Variants in SORCS1 observed in about 807,000 individuals in gnomAD.
SORCS1 encodes the protein sortilin related VPS10 domain containing receptor 1.
A neutral mutation model predicts 146.1 loss-of-function variants in SORCS1; 60 were observed. That is an observed-to-expected ratio of 0.41 (90% confidence interval 0.33 to 0.51). SORCS1 has a LOEUF of 0.51. SORCS1 is among the 20% of genes least tolerant of loss of function. The pLI, the probability that SORCS1 is intolerant of heterozygous loss-of-function variation, is 0.21. For synonymous variants in SORCS1, 637 were observed against 584.0 expected (o/e 1.09, Z -1.31); for missense variants, 1,352 against 1,487.6 (o/e 0.91, Z 1.50).
Position 106,577,555 on chromosome 10 carries a change from C to T in SORCS1, c.3372G>A (p.Arg1124=). 4 of 1,610,450 alleles carry T rather than the reference C, an allele frequency of 2.5e-6. No individual in the cohort carries two copies. Among genetic ancestry groups the T allele is most frequent in the South Asian group, 1.1e-5 (1 of 90,998 alleles). ...LAVFVIYKFK[R]RVALPSPPSP... ...AGGGAGGGGAGGGTAAAGCTACTCTCCTAAGAGAAAACGTGTAACACTTAC... is the reference window on the plus strand; with the variant it reads ...AGGGAGGGGAGGGTAAAGCTACTCTTCTAAGAGAAAACGTGTAACACTTAC... The change falls in exon 26 of 26, where the codon AGG becomes AGA. Residue 1124 remains arginine, a splice_region_variant and synonymous_variant. Transcript: ENST00000263054.
At chr10:107,002,062 A>C (rs893981792) in intron 1 of SORCS1, among the ~76,000 whole-genome samples, 1 of 152,346 alleles carries the variant, frequency 6.6e-6, no homozygotes, top group South Asian at 2.1e-4. Flanking sequence ...TACACAGCAA[A>C]TGAACACAGC....
chr10:106,647,904 G>T (rs925317231), intron 18 of SORCS1, among the ~76,000 whole-genome samples: 8 of 152,168 alleles, frequency 5.3e-5, no homozygotes, highest in Non-Finnish European at 7.3e-5. Context: ...GTCTCGCTCT[G>T]TCAGCCAGGC....
intron 1 of SORCS1, among the ~76,000 whole-genome samples, chr10:107,085,748 T>C (rs1963707540): frequency 6.6e-6 from 1 of 152,198 alleles, no homozygotes; most frequent in Non-Finnish European, 1.5e-5. Context: ...CCTACTTGGC[T>C]GAACACTGTA....
intron 3 of SORCS1, among the ~76,000 whole-genome samples, chr10:106,798,343 G>T (rs1311773003): frequency 6.6e-6 from 1 of 152,134 alleles, no homozygotes; most frequent in Non-Finnish European, 1.5e-5. Context: ...CAACGTGCAG[G>T]TTTGTTACAT....
intron 4 of SORCS1, among the ~76,000 whole-genome samples, chr10:106,763,102 T>A (rs1859271096): frequency 6.6e-6 from 1 of 152,136 alleles, no homozygotes; most frequent in African/African-American, 2.4e-5. Flanking sequence ...TTTAGTAACA[T>A]ACAAAAATTA....
intron 24 of SORCS1, among the ~76,000 whole-genome samples, chr10:106,585,518 A>C (rs963266512): frequency 6.6e-6 from 1 of 152,134 alleles, no homozygotes; most frequent in Non-Finnish European, 1.5e-5. Flanking sequence ...AACTACCTAA[A>C]AGCATCTCAA....
intron 1 of SORCS1, among the ~76,000 whole-genome samples, chr10:107,074,254 G>A (rs997851344): frequency 1.3e-5 from 2 of 152,070 alleles, no homozygotes; most frequent in Admixed American, 6.6e-5. Flanking sequence ...TCCATAGTTT[G>A]GTCTTTTCCA....
chr10:106,834,748 T>C (rs922873604), intron 2 of SORCS1, among the ~76,000 whole-genome samples: 1 of 152,224 alleles, frequency 6.6e-6, no homozygotes, highest in Non-Finnish European at 1.5e-5. Flanking sequence ...ATGCGACATA[T>C]GCAGCCTTGA....
At chr10:106,689,395 T>C (rs1404094425) in intron 9 of SORCS1, among the ~76,000 whole-genome samples, 1 of 152,174 alleles carries the variant, frequency 6.6e-6, no homozygotes, top group Non-Finnish European at 1.5e-5. Flanking sequence ...GTACATTACC[T>C]CATTTAATAC....
intron 1 of SORCS1, among the ~76,000 whole-genome samples, chr10:106,957,968 T>G (rs531955094): frequency 2.0e-5 from 3 of 152,312 alleles, no homozygotes; most frequent in African/African-American, 7.2e-5. Flanking sequence ...GAAGCGCTCA[T>G]GAAAGAAAAG....
At chr10:107,038,242 A>AT in intron 1 of SORCS1, among the ~76,000 whole-genome samples, 1 of 152,356 alleles carries the variant, frequency 6.6e-6, no homozygotes, top group Non-Finnish European at 1.5e-5. Flanking sequence ...GCTTCCCTAG[A>AT]TGGGGAAAAC....
At chr10:106,725,611 G>GA (rs1302809844) in intron 6 of SORCS1, among the ~76,000 whole-genome samples, 7 of 146,942 alleles carry the variant, frequency 4.8e-5, no homozygotes, top group Non-Finnish European at 7.6e-5. Context: ...AATGGATGGA[G>GA]AAAAAAACAG....
At chr10:106,744,591 C>T (rs755655287) in intron 5 of SORCS1, among the ~76,000 whole-genome samples, 5 of 152,108 alleles carry the variant, frequency 3.3e-5, no homozygotes, top group Non-Finnish European at 5.9e-5. Flanking sequence ...GAATATTTAC[C>T]TTATGACTAT....
Position 106,671,314 on chromosome 10 carries a change from C to T in SORCS1, c.2112G>A (p.Glu704=), listed in dbSNP as rs765760963. 6.2e-7 allele frequency: 1 copy of T among 1,614,134 alleles called. No individual in the cohort carries two copies. The highest frequency in any genetic ancestry group is 8.5e-7 in the Non-Finnish European group (1 of 1,179,996). The change falls in exon 16 of 26, where the codon GAG becomes GAA. Residue 704 remains glutamate, a synonymous_variant. Transcript: ENST00000263054. ...AKRIYKKRKS[E]RKCMQGKYAG... is the part of the protein sequence containing the mutation. ...CATATTTTCCTTGCATACACTTCCG[C>T]TCTGATTTTCGCTTCTTATATATCC...
At chr10:106,814,869 C>A (rs61867327) in intron 3 of SORCS1, among the ~76,000 whole-genome samples, 1 of 137,608 alleles carries the variant, frequency 7.3e-6, no homozygotes. Context: ...GAGCCCAGAT[C>A]GCGCCACTGC....
intron 2 of SORCS1, among the ~76,000 whole-genome samples, chr10:106,926,414 C>A (rs1278900399): frequency 6.6e-6 from 1 of 152,072 alleles, no homozygotes; most frequent in Non-Finnish European, 1.5e-5. Context: ...TCTTCCTGAG[C>A]CTCAACTGTC....
intron 6 of SORCS1, among the ~76,000 whole-genome samples, chr10:106,725,366 A>T (rs376293191): frequency 7.2e-5 from 11 of 151,838 alleles, no homozygotes; most frequent in East Asian, 3.9e-4. Flanking sequence ...CTCGGCCAAC[A>T]TAGTGAAACC....
chr10:106,920,676 T>C (rs1010240955), intron 2 of SORCS1, among the ~76,000 whole-genome samples: 1 of 152,160 alleles, frequency 6.6e-6, no homozygotes, highest in East Asian at 1.9e-4. Flanking sequence ...GAAAAGCGTG[T>C]AGGAAGTGAG....
chr10:106,763,793 C>T (rs1013346207), intron 4 of SORCS1, among the ~76,000 whole-genome samples: 1 of 152,146 alleles, frequency 6.6e-6, no homozygotes, highest in African/African-American at 2.4e-5. Flanking sequence ...CTCTTAATAG[C>T]CTTTCAAGAG....
Sources: allele counts gnomAD v4.1 joint callset (sites outside exome capture counted in the v4.1 genomes callset), GRCh38; gene constraint gnomAD v4.1.1; transcripts MANE v1.5; gene names NCBI Gene and HGNC (gene_info 2026-07-23, HGNC 2026-07-21).